Variants in ANKIB1 observed in about 807,000 individuals in gnomAD.
ANKIB1 encodes the protein ankyrin repeat and IBR domain-containing protein 1.
In ANKIB1, 43 loss-of-function variants were observed where a neutral mutation model predicts 122.1. That is an observed-to-expected ratio of 0.35 (90% CI 0.28 to 0.45). The LOEUF is 0.45. Ranked by LOEUF, ANKIB1 falls within the 20% of genes least tolerant of loss-of-function variation. The pLI is 1.00. For synonymous variants in ANKIB1, 390 were observed against 442.0 expected (o/e 0.88, Z 1.48); for missense variants, 992 against 1,329.5 (o/e 0.75, Z 3.95).
chr7:92,256,161 T>A (rs1020081690), intron 1 of ANKIB1, among the ~76,000 whole-genome samples: 1 of 152,114 alleles, frequency 6.6e-6, no homozygotes, highest in East Asian at 1.9e-4. Flanking sequence ...GAGGAATTGG[T>A]AGGGAAGAGG....
At chr7:92,304,258 ATATT>A (rs973393201) in intron 2 of ANKIB1, among the ~76,000 whole-genome samples, 11 of 152,282 alleles carry the variant, frequency 7.2e-5, no homozygotes, top group South Asian at 6.2e-4. Flanking sequence ...TTAGCATAAA[ATATT>A]TATGCAGATA....
chr7:92,266,204 C>T (rs1286867296), intron 1 of ANKIB1, among the ~76,000 whole-genome samples: 2 of 152,100 alleles, frequency 1.3e-5, no homozygotes, highest in Non-Finnish European at 2.9e-5. Context: ...GTTCAGAGGG[C>T]TGCTAAGAGT....
At chr7:92,362,004 T>A (rs923399927) in intron 9 of ANKIB1, among the ~76,000 whole-genome samples, 181 bp from the exon 10 acceptor site, 1 of 152,106 alleles carries the variant, frequency 6.6e-6, no homozygotes, top group Non-Finnish European at 1.5e-5. Context: ...AGAGACGGGG[T>A]TTCACCATAT....
Position 92,398,593 on chromosome 7 carries a change from A to G in ANKIB1, c.2914A>G (p.Asn972Asp), listed in dbSNP as rs760501600. 1.2e-6 allele frequency: 2 copies of G among 1,613,978 alleles called. No individual in the cohort carries two copies. The highest frequency in any genetic ancestry group is 1.7e-6 in the Non-Finnish European group (2 of 1,179,880). The change falls in exon 20 of 20, where the codon AAC becomes GAC. Residue 972 changes from asparagine to aspartate, a missense_variant. Transcript: ENST00000265742. ...DPNINDNLLGNIMAWFHDMNP... is the reference protein window; with the variant it reads ...DPNINDNLLGDIMAWFHDMNP... ...CAACATCAATGACAATCTTCTCGGC[A>G]ACATCATGGCTTGGTTTCATGACAT...
rs368730516 is a variant in ANKIB1 at position 92,352,937 on chromosome 7, G to A, written c.1397+295G>A. 3.9e-5 allele frequency among the ~76,000 whole-genome samples: 6 copies of A among 152,148 alleles called. No individual in the cohort carries two copies. The East Asian group carries it at 7.7e-4, about 20-fold the overall frequency. On this transcript the variant is annotated intron_variant, in intron 9 of 19. Transcript: ENST00000265742. ...TCAGGCACAGAGAAGTTCCCCAGGG[G>A]TATACAGCTAGGAATTGGCAGAAAT...
At chr7:92,249,582 T>C (rs1336062193) in intron 1 of ANKIB1, among the ~76,000 whole-genome samples, 1 of 152,030 alleles carries the variant, frequency 6.6e-6, no homozygotes, top group East Asian at 1.9e-4. Context: ...TAGCTGGGTG[T>C]GGTGGCACGC....
intron 5 of ANKIB1, among the ~76,000 whole-genome samples, chr7:92,328,981 T>A (rs1193238744): frequency 6.7e-6 from 1 of 149,876 alleles, no homozygotes; most frequent in African/African-American, 2.4e-5. Context: ...TTTTTTTTTT[T>A]TTTTGGGACA....
intron 10 of ANKIB1, among the ~76,000 whole-genome samples, chr7:92,369,255 A>G (rs1302166518): frequency 6.6e-6 from 1 of 152,200 alleles, no homozygotes; most frequent in Non-Finnish European, 1.5e-5. Flanking sequence ...TAATCAAACC[A>G]TCTTCTACCA....
chr7:92,382,251 G>A (rs1804533336), intron 11 of ANKIB1, among the ~76,000 whole-genome samples: 1 of 152,118 alleles, frequency 6.6e-6, no homozygotes, highest in Non-Finnish European at 1.5e-5. Flanking sequence ...AGTCCTGAGA[G>A]ACCTAAAAAG....
rs567746909 is a variant in ANKIB1 at position 92,399,006 on chromosome 7, G to A, written c.*57G>A. 5.4e-6 allele frequency: 8 copies of A among 1,480,244 alleles called. No individual in the cohort carries two copies. In the Admixed American group the frequency reaches 1.0e-4, roughly 19 times the overall value. The allele number at this position is 1,480,244 out of a possible 1,614,324, so 91.7% of individuals were successfully genotyped here. ...AGGTACAGATGGTATGCTAGGTGGA[G>A]TATGCTTGATAGAGACTTTGATTCA... is the stretch of plus-strand genomic sequence containing the variant. On this transcript the variant is annotated 3_prime_UTR_variant, in exon 20 of 20. Transcript: ENST00000265742.
chr7:92,393,760 T>C (rs1218660369), intron 17 of ANKIB1, among the ~76,000 whole-genome samples: 2 of 152,142 alleles, frequency 1.3e-5, no homozygotes, highest in African/African-American at 4.8e-5. Flanking sequence ...CTTTGACACA[T>C]TGAAACACTA....
At position 92,371,576 on chromosome 7, in the gene ANKIB1, A is replaced by G. The variant is rs751766927; in HGVS notation, c.1586A>G (p.Asn529Ser). ...CANCKSPIQK[N>S]EGCNHMQCAK... The stretch of plus-strand genomic sequence containing the variant: ...AACTGTAAGTCTCCAATACAGAAGA[A>G]TGAAGGCTGCAATCACATGCAGTGT... The change falls in exon 11 of 20, where the codon AAT (asparagine) becomes AGT (serine). Residue 529 changes from asparagine to serine, a missense_variant. Asn to Ser is a conservative substitution (Grantham distance 46). Transcript: ENST00000265742. 6.2e-7 allele frequency: 1 copy of G among 1,605,440 alleles called. No homozygotes were observed. The highest frequency in any genetic ancestry group is 2.2e-5 in the East Asian group (1 of 44,720).
chr7:92,264,180 T>TGTTG (rs1801622451), intron 1 of ANKIB1, among the ~76,000 whole-genome samples: 1 of 151,304 alleles, frequency 6.6e-6, no homozygotes, highest in Admixed American at 6.6e-5. Context: ...TTTGTTTGTT[T>TGTTG]GTTGGTTTTT....
At chr7:92,376,452 AT>A (rs548431066) in intron 11 of ANKIB1, among the ~76,000 whole-genome samples, 548 of 135,740 alleles carry the variant, frequency 4.0e-3, no homozygotes, top group Non-Finnish European at 5.1e-3. Context: ...TTTATTTTTT[AT>A]TTTTTTTTTT....
intron 17 of ANKIB1, among the ~76,000 whole-genome samples, chr7:92,392,630 A>G (rs1804808203): frequency 6.6e-6 from 1 of 152,116 alleles, no homozygotes; most frequent in African/African-American, 2.4e-5. Flanking sequence ...TTTTAATCTG[A>G]AACTATTAAA....
At chr7:92,339,717 A>C (rs190339707) in intron 5 of ANKIB1, among the ~76,000 whole-genome samples, 1 of 152,090 alleles carries the variant, frequency 6.6e-6, no homozygotes, top group Non-Finnish European at 1.5e-5. Flanking sequence ...TTTTCTCTCT[A>C]CATATAGCTG....
At chr7:92,283,271 T>G (rs968194540) in intron 1 of ANKIB1, among the ~76,000 whole-genome samples, 3 of 152,202 alleles carry the variant, frequency 2.0e-5, no homozygotes, top group African/African-American at 7.2e-5. Context: ...ATTCTGGAAT[T>G]TATATTATAG....
At chr7:92,348,904 G>A (rs1360191771) in intron 7 of ANKIB1, among the ~76,000 whole-genome samples, 2 of 152,204 alleles carry the variant, frequency 1.3e-5, no homozygotes, top group Admixed American at 1.3e-4. Context: ...TAATAAGTTG[G>A]GCTAATGGGT....
chr7:92,280,807 T>G (rs1801999678), intron 1 of ANKIB1, among the ~76,000 whole-genome samples: 1 of 152,252 alleles, frequency 6.6e-6, no homozygotes, highest in Admixed American at 6.5e-5. Context: ...TTTCATATTA[T>G]GAATAATTCC....
Sources: gnomAD v4.1 joint callset for allele counts (sites outside exome capture counted in the v4.1 genomes callset) on GRCh38, gnomAD v4.1.1 for gene constraint, MANE v1.5 for transcripts, NCBI Gene and HGNC (gene_info 2026-07-23, HGNC 2026-07-21) for gene names.